The following NCALD variants were observed in gnomAD, a reference collection of about 807,000 sequenced individuals.
NCALD encodes neurocalcin-delta.
In NCALD, 10 loss-of-function variants were observed where a neutral mutation model predicts 18.6. The observed-to-expected ratio is 0.54, with a 90% CI of 0.33 to 0.91. The LOEUF (loss-of-function observed/expected upper bound fraction) is 0.91. Among genes scored for constraint, NCALD ranks in the 40% least tolerant of loss-of-function variants. The probability of loss-of-function intolerance (pLI) is 0.03; values close to 1 mark genes in which losing one functional copy is unlikely to be tolerated. For missense variants in NCALD, 184 were observed against 247.6 expected (o/e 0.74, Z 1.72); for synonymous variants, 88 against 87.4 (o/e 1.01, Z -0.04).
intron 4 of NCALD, among the ~76,000 whole-genome samples, chr8:101,818,356 G>A (rs1041434315): frequency 2.0e-5 from 3 of 152,030 alleles, no homozygotes; most frequent in Admixed American, 6.6e-5. Context: ...TGATCTTCAC[G>A]CTAGCCCCTG....
intron 2 of NCALD, among the ~76,000 whole-genome samples, chr8:101,708,296 C>T (rs1372322634): frequency 6.6e-6 from 1 of 152,228 alleles, no homozygotes; most frequent in Non-Finnish European, 1.5e-5. Context: ...CCGGTAAAGA[C>T]AGCAGGTAGA....
At chr8:101,931,652 CTTTG>C (rs144038219) in intron 2 of NCALD, among the ~76,000 whole-genome samples, 12,329 of 150,378 alleles carry the variant, frequency 0.082, 1,184 homozygotes, top group African/African-American at 0.23. Flanking sequence ...CTCGTATTTT[CTTTG>C]TTTGTTTGGG....
chr8:101,725,793 T>C (rs773338438), intron 1 of NCALD, among the ~76,000 whole-genome samples: 4 of 152,092 alleles, frequency 2.6e-5, no homozygotes, highest in Non-Finnish European at 2.9e-5. Context: ...AGCTCTCCCA[T>C]CTCCGTGGCA....
chr8:101,876,011 T>C (rs1816212551), intron 4 of NCALD, among the ~76,000 whole-genome samples: 1 of 152,226 alleles, frequency 6.6e-6, no homozygotes, highest in Non-Finnish European at 1.5e-5. Context: ...TTAGAGACAG[T>C]CTTTCTAGCT....
intron 4 of NCALD, among the ~76,000 whole-genome samples, chr8:101,816,213 C>T (rs974857971): frequency 1.3e-5 from 2 of 152,036 alleles, no homozygotes; most frequent in Non-Finnish European, 2.9e-5. Context: ...TGAAAGGTGG[C>T]AGAATATGCA....
At chr8:101,738,219 T>A (rs1160408268) in intron 1 of NCALD, among the ~76,000 whole-genome samples, 1 of 152,246 alleles carries the variant, frequency 6.6e-6, no homozygotes, top group East Asian at 1.9e-4. Flanking sequence ...TTGGTGATAG[T>A]ATACTCACTA....
At chr8:101,770,274 T>C (rs1010742302) in intron 1 of NCALD, among the ~76,000 whole-genome samples, 3 of 152,186 alleles carry the variant, frequency 2.0e-5, no homozygotes, top group Admixed American at 6.5e-5. Context: ...GTTGGTTCTC[T>C]TGTATTATTC....
In NCALD at chr8:101,894,722, A is replaced by G. The variant is rs550247860; in HGVS notation, c.-106-7495T>C. 5.3e-5 allele frequency among the ~76,000 whole-genome samples: 8 copies of G among 151,620 alleles called. No individual in the cohort carries two copies. The East Asian group carries it at 1.5e-3, about 29-fold the overall frequency. ...CAGAAATACAAACTACCATCAGAGA[A>G]TACTACAAACACCTCTACGGAAATA... On this transcript the variant is annotated intron_variant, in intron 3 of 6. Coordinates refer to the NCALD transcript ENST00000311028.
At chr8:101,701,327 G>C (rs1476289499) in intron 2 of NCALD, among the ~76,000 whole-genome samples, 1 of 152,212 alleles carries the variant, frequency 6.6e-6, no homozygotes, top group East Asian at 1.9e-4. Context: ...ACCGTGAAGA[G>C]ACCAGGCTAC....
chr8:101,714,020 T>C (rs1358013555), intron 2 of NCALD, among the ~76,000 whole-genome samples: 1 of 152,050 alleles, frequency 6.6e-6, no homozygotes, highest in East Asian at 1.9e-4. Context: ...TTATGACAAA[T>C]CCACAGCCAA....
Position 101,689,889 on chromosome 8 carries a change from C to T in NCALD, c.485-483G>A, listed in dbSNP as rs1441334556. Among the ~76,000 whole-genome samples the T allele has an allele frequency of 6.6e-6, 1 of 152,212 alleles. No individual in the cohort carries two copies. The highest frequency in any genetic ancestry group is 2.4e-5 in the African/African-American group (1 of 41,448). On this transcript the variant is annotated intron_variant, in intron 3 of 3. Coordinates refer to ENST00000220931, the MANE Select transcript of NCALD (RefSeq NM_032041.3). This position sits in a 1 kb window ranked among gnomAD's most constrained non-coding sequence, Gnocchi z 4.4. ...CGTGTTCTTCAGGCCACTCTGTGTTCTTAGGTTTGCTGCAAGAGCCCATCC... is the reference window on the plus strand; with the variant it reads ...CGTGTTCTTCAGGCCACTCTGTGTTTTTAGGTTTGCTGCAAGAGCCCATCC...
chr8:101,730,007 G>T (rs549702608), intron 1 of NCALD, among the ~76,000 whole-genome samples: 1 of 151,992 alleles, frequency 6.6e-6, no homozygotes, highest in Non-Finnish European at 1.5e-5. Flanking sequence ...AGTAATAAAG[G>T]GATGTAAAAA....
intron 2 of NCALD, among the ~76,000 whole-genome samples, chr8:101,996,173 A>G (rs866203609): frequency 2.0e-5 from 3 of 152,268 alleles, no homozygotes; most frequent in Admixed American, 6.5e-5. Flanking sequence ...GACTCTTTTC[A>G]TAACTCAGGA....
At chr8:102,038,637 T>C (rs1370941380) in intron 1 of NCALD, among the ~76,000 whole-genome samples, 1 of 152,172 alleles carries the variant, frequency 6.6e-6, no homozygotes, top group African/African-American at 2.4e-5. Flanking sequence ...GGCATATCCA[T>C]ATTCATTAGT....
intron 2 of NCALD, among the ~76,000 whole-genome samples, chr8:101,943,733 G>T (rs1819048443): frequency 6.6e-6 from 1 of 152,172 alleles, no homozygotes; most frequent in South Asian, 2.1e-4. Flanking sequence ...AAGGTCAGGA[G>T]ATCGAGACCA....
At chr8:101,736,624 G>A (rs1042945312) in intron 1 of NCALD, among the ~76,000 whole-genome samples, 1 of 152,138 alleles carries the variant, frequency 6.6e-6, no homozygotes, top group African/African-American at 2.4e-5. Flanking sequence ...AGGATACCCC[G>A]TGGTGAGTGG....
intron 4 of NCALD, among the ~76,000 whole-genome samples, chr8:101,814,125 T>C (rs147802593): frequency 2.0e-5 from 3 of 152,070 alleles, no homozygotes; most frequent in African/African-American, 7.2e-5. Context: ...TCATTCAGAG[T>C]ACAGAAGAAA....
At chr8:102,106,466 T>TATATATATATATAC (rs1554598545) in intron 1 of NCALD, among the ~76,000 whole-genome samples, 2 of 139,088 alleles carry the variant, frequency 1.4e-5, no homozygotes, top group African/African-American at 2.8e-5. Context: ...TATATATATA[T>TATATATATATATAC]ACACACACAC....
chr8:102,063,514 A>C (rs1188823345), intron 1 of NCALD, among the ~76,000 whole-genome samples: 1 of 152,056 alleles, frequency 6.6e-6, no homozygotes, highest in Non-Finnish European at 1.5e-5. Flanking sequence ...ATAAGTAGAT[A>C]AAGGGACATT....
Sources: gnomAD v4.1 joint callset for allele counts (sites outside exome capture counted in the v4.1 genomes callset) on GRCh38, gnomAD v4.1.1 for gene constraint, Gnocchi (gnomAD v3.1) non-coding constraint, MANE v1.5 for transcripts, NCBI Gene and HGNC (gene_info 2026-07-23, HGNC 2026-07-21) for gene names.